The following DIAPH3 variants were observed in gnomAD, a reference collection of about 807,000 sequenced individuals.
The protein encoded by DIAPH3 is diaphanous related formin 3.
In DIAPH3, 117 loss-of-function variants were observed where a neutral mutation model predicts 144.3. The observed-to-expected ratio is 0.81, with a 90% CI of 0.70 to 0.95. The LOEUF is 0.95. Among genes scored for constraint, DIAPH3 ranks in the 40% least tolerant of loss-of-function variants. The pLI is 0.00. For synonymous variants in DIAPH3, 519 were observed against 488.9 expected (o/e 1.06, Z -0.81); for missense variants, 1,421 against 1,412.7 (o/e 1.01, Z -0.09).
intron 27 of DIAPH3, among the ~76,000 whole-genome samples, chr13:59,697,084 T>C (rs1193994670): frequency 6.6e-6 from 1 of 151,976 alleles, no homozygotes; most frequent in Admixed American, 6.6e-5. Context: ...AATTCCAGCC[T>C]GAAATATTAG....
chr13:60,000,181 T>C (rs1191907928), intron 9 of DIAPH3, among the ~76,000 whole-genome samples: 3 of 152,162 alleles, frequency 2.0e-5, no homozygotes, highest in Non-Finnish European at 4.4e-5. Flanking sequence ...TATTCCTTGC[T>C]TTTGCTTCCT....
chr13:59,866,317 T>A (rs1206245868), intron 21 of DIAPH3, among the ~76,000 whole-genome samples: 1 of 152,054 alleles, frequency 6.6e-6, no homozygotes, highest in African/African-American at 2.4e-5. Context: ...CTGGATCACA[T>A]GGAGCCAATG....
chr13:59,782,755 G>A (rs1383877658), intron 25 of DIAPH3, among the ~76,000 whole-genome samples: 1 of 152,106 alleles, frequency 6.6e-6, no homozygotes. Flanking sequence ...ATGGGGCAGA[G>A]GGAGAAGGAA....
intron 1 of DIAPH3, among the ~76,000 whole-genome samples, chr13:60,160,787 T>C (rs1952254852): frequency 6.6e-6 from 1 of 152,198 alleles, no homozygotes; most frequent in Non-Finnish European, 1.5e-5. Context: ...CCAAGTTGGT[T>C]AATTCACAAG....
intron 3 of DIAPH3, among the ~76,000 whole-genome samples, chr13:60,101,961 T>C (rs772621946): frequency 1.3e-5 from 2 of 152,176 alleles, no homozygotes; most frequent in African/African-American, 2.4e-5. Context: ...ACATTTCATA[T>C]GGTACTTATT....
chr13:59,884,750 A>G (rs1429347597), intron 20 of DIAPH3, among the ~76,000 whole-genome samples: 1 of 148,620 alleles, frequency 6.7e-6, no homozygotes, highest in African/African-American at 2.5e-5. Context: ...TCAGAAAAAA[A>G]CACAAGTTCA....
chr13:59,848,572 T>G (rs1371980882), intron 22 of DIAPH3, among the ~76,000 whole-genome samples: 23 of 134,496 alleles, frequency 1.7e-4, no homozygotes, highest in Non-Finnish European at 2.2e-4. Flanking sequence ...CGGTGTTTGG[T>G]TTTTTGTTCT....
At position 60,093,574 on chromosome 13, in the gene DIAPH3, T is replaced by G. The variant is rs1333111548; in HGVS notation, c.495+54A>C. The stretch of plus-strand genomic sequence containing the variant: ...GTACTTCATTAGATAAATGTGCTGT[T>G]TTCCATGTTAAAACATGTTCGGCAG... On this transcript the variant is annotated intron_variant, in intron 4 of 27. Coordinates refer to ENST00000400324, the MANE Select transcript of DIAPH3 (RefSeq NM_001042517.2). The G allele has an allele frequency of 4.8e-6, 6 of 1,245,828 alleles. No individual in the cohort carries two copies. In the East Asian group the frequency reaches 1.4e-4, roughly 29 times the overall value. The allele number at this position is 1,245,828 out of a possible 1,614,324, so 77.2% of individuals were successfully genotyped here. A position where few individuals can be genotyped will look rare whatever the true frequency, so the allele number is the denominator to read the frequency against.
intron 20 of DIAPH3, among the ~76,000 whole-genome samples, chr13:59,881,662 TGA>T (rs892156650): frequency 1.3e-5 from 2 of 152,094 alleles, no homozygotes; most frequent in Non-Finnish European, 2.9e-5. Context: ...GTATGAATAA[TGA>T]GTGTATCTGG....
chr13:60,079,864 A>G (rs550721564), intron 4 of DIAPH3, among the ~76,000 whole-genome samples: 2 of 152,066 alleles, frequency 1.3e-5, no homozygotes, highest in African/African-American at 2.4e-5. Flanking sequence ...CTTCAACTGT[A>G]ACATTTATTT....
intron 2 of DIAPH3, among the ~76,000 whole-genome samples, chr13:60,114,266 G>C (rs1467302830): frequency 7.3e-6 from 1 of 136,078 alleles, no homozygotes; most frequent in Non-Finnish European, 1.6e-5. Context: ...CAAAGTCACA[G>C]ATTAAGAAAA....
intron 17 of DIAPH3, among the ~76,000 whole-genome samples, chr13:59,951,136 A>G (rs904621899): frequency 1.3e-5 from 2 of 152,092 alleles, no homozygotes; most frequent in East Asian, 1.9e-4. Context: ...CAAATCTCCT[A>G]TTGTAGTTCC....
chr13:60,141,665 A>T (rs2059427595), intron 1 of DIAPH3, among the ~76,000 whole-genome samples: 1 of 152,244 alleles, frequency 6.6e-6, no homozygotes, highest in Non-Finnish European at 1.5e-5. Context: ...CTGTTAATTA[A>T]ATATTGCTAT....
chr13:60,100,319 A>G lies in DIAPH3; in HGVS notation c.391-6587T>C, dbSNP rs573395367. On this transcript the variant is annotated intron_variant, in intron 3 of 27. Transcript: ENST00000400324. ...AGATCTCAATCTAATCACAAGGAAA[A>G]AAAAAGTCAGGCAAACCCAAATTGA... is the stretch of plus-strand genomic sequence containing the variant. Among the ~76,000 whole-genome samples the G allele has an allele frequency of 2.6e-5, 4 of 152,204 alleles. No homozygotes were observed. In the South Asian group the frequency reaches 8.3e-4, roughly 32 times the overall value.
chr13:60,158,803 G>A (rs922116077), intron 1 of DIAPH3, among the ~76,000 whole-genome samples: 1 of 150,302 alleles, frequency 6.7e-6, no homozygotes, highest in Admixed American at 6.7e-5. Flanking sequence ...TCAGGGGCTG[G>A]AAGAGCAAAG....
In DIAPH3 at chr13:59,926,810, T is replaced by C. The variant is rs1004019948; in HGVS notation, c.2075-1940A>G. 2.8e-4 allele frequency among the ~76,000 whole-genome samples: 43 copies of C among 152,316 alleles called. 1 individual carries two copies. The highest frequency in any genetic ancestry group is 2.7e-3 in the Admixed American group (42 of 15,300). The stretch of plus-strand genomic sequence containing the variant: ...GAGAAGATGTGTGTTGTGCACCTAC[T>C]GGATGCTATGTTCTGTAAATGTCTA... On this transcript the variant is annotated intron_variant, in intron 17 of 27. Transcript: ENST00000400324.
intron 17 of DIAPH3, among the ~76,000 whole-genome samples, chr13:59,965,876 C>T (rs899944241): frequency 6.6e-6 from 1 of 151,790 alleles, no homozygotes; most frequent in Non-Finnish European, 1.5e-5. Context: ...CAATATGCAC[C>T]CAATAAATAG....
intron 27 of DIAPH3, among the ~76,000 whole-genome samples, chr13:59,739,230 A>T (rs1482186303): frequency 6.6e-6 from 1 of 151,898 alleles, no homozygotes; most frequent in Non-Finnish European, 1.5e-5. Context: ...GTATAAAATA[A>T]ACTGACTACG....
intron 17 of DIAPH3, among the ~76,000 whole-genome samples, chr13:59,967,370 C>T (rs922817167): frequency 6.6e-6 from 1 of 151,842 alleles, no homozygotes; most frequent in Admixed American, 6.6e-5. Context: ...CCATTGCACC[C>T]GGCCATAGTT....
Sources: gnomAD v4.1 joint callset for allele counts (sites outside exome capture counted in the v4.1 genomes callset) on GRCh38, gnomAD v4.1.1 for gene constraint, MANE v1.5 for transcripts, NCBI Gene and HGNC (gene_info 2026-07-23, HGNC 2026-07-21) for gene names.